Variants in NCOA1 observed in about 807,000 individuals in gnomAD.
NCOA1 encodes nuclear receptor coactivator 1.
In NCOA1, 35 loss-of-function variants were observed where a neutral mutation model predicts 150.9. That is an observed-to-expected ratio of 0.23 (90% CI 0.18 to 0.31). The LOEUF (loss-of-function observed/expected upper bound fraction) is 0.31. Among genes scored for constraint, NCOA1 ranks in the 10% least tolerant of loss-of-function variants. NCOA1 has a pLI of 1.00. For missense variants in NCOA1, 1,491 were observed against 1,749.3 expected (o/e 0.85, Z 2.63); for synonymous variants, 590 against 630.0 (o/e 0.94, Z 0.95).
intron 11 of NCOA1, among the ~76,000 whole-genome samples, chr2:24,700,750 C>T (rs1673119414): frequency 6.6e-6 from 1 of 152,112 alleles, no homozygotes; most frequent in Admixed American, 6.5e-5. Context: ...CATGGTGCTT[C>T]CCAAGGTCCC....
At chr2:24,646,964 C>T (rs578093903) in intron 4 of NCOA1, among the ~76,000 whole-genome samples, 2 of 152,012 alleles carry the variant, frequency 1.3e-5, no homozygotes, top group South Asian at 4.2e-4. Flanking sequence ...ATTTTAAAGT[C>T]CTTGACATCT....
intron 1 of NCOA1, among the ~76,000 whole-genome samples, chr2:24,548,769 C>G (rs984040877): frequency 3.9e-5 from 6 of 152,222 alleles, no homozygotes; most frequent in African/African-American, 1.4e-4. Flanking sequence ...TCCTTTGACT[C>G]CATGTCTCAC....
intron 1 of NCOA1, among the ~76,000 whole-genome samples, chr2:24,516,824 T>G (rs1327018362): frequency 2.0e-5 from 1 of 50,588 alleles, no homozygotes; most frequent in East Asian, 1.2e-3. Flanking sequence ...TATCCAGCTT[T>G]CTTTTTTTTT....
At chr2:24,740,931 AT>A (rs1157428758) in intron 18 of NCOA1, among the ~76,000 whole-genome samples, 1 of 152,218 alleles carries the variant, frequency 6.6e-6, no homozygotes, top group Non-Finnish European at 1.5e-5. Context: ...CATTGAAAAA[AT>A]GATTTTAAGC....
intron 20 of NCOA1, among the ~76,000 whole-genome samples, chr2:24,754,271 G>C (rs1164538968): frequency 6.6e-6 from 1 of 152,038 alleles, no homozygotes; most frequent in African/African-American, 2.4e-5. Context: ...GAGTATGTCC[G>C]TCCTTTACGC....
At chr2:24,535,786 C>A (rs1665107151) in intron 1 of NCOA1, among the ~76,000 whole-genome samples, 1 of 152,210 alleles carries the variant, frequency 6.6e-6, no homozygotes, top group African/African-American at 2.4e-5. Context: ...CCCCCGTGCT[C>A]TACTGGCTTG....
chr2:24,666,683 A>G (rs1400927919), intron 6 of NCOA1, among the ~76,000 whole-genome samples: 1 of 150,388 alleles, frequency 6.6e-6, no homozygotes, highest in Non-Finnish European at 1.5e-5. Context: ...CACAGGCTGG[A>G]GTGCAGTGGT....
chr2:24,640,036 C>A (rs1241656529), intron 3 of NCOA1, among the ~76,000 whole-genome samples: 2 of 147,348 alleles, frequency 1.4e-5, no homozygotes, highest in African/African-American at 5.0e-5. Context: ...TACTTTATTG[C>A]AGTTTCACTT....
At position 24,706,773 on chromosome 2, in the gene NCOA1, A is replaced by G; in HGVS notation, c.1303A>G (p.Ser435Gly). 1.9e-6 allele frequency: 3 copies of G among 1,614,234 alleles called. No homozygotes were observed. The highest frequency in any genetic ancestry group is 1.6e-4 in the Middle Eastern group (1 of 6,062). ...DLHSSSHSNS[S>G]NSQGSFGCSP... is the part of the protein sequence containing the mutation. ...TCATAGCAGCAGTCATAGTAATTCT[A>G]GCAACAGCCAAGGAAGTTTCGGATG... The change falls in exon 13 of 23, where the codon AGC (serine) becomes GGC (glycine). Residue 435 changes from serine (S) to glycine (G), a missense_variant. Ser to Gly is a moderately conservative substitution (Grantham distance 56, BLOSUM62 0). Coordinates refer to ENST00000348332, the MANE Select transcript of NCOA1 (RefSeq NM_003743.5).
intron 7 of NCOA1, among the ~76,000 whole-genome samples, chr2:24,681,610 C>T (rs901348136): frequency 2.0e-5 from 3 of 151,702 alleles, no homozygotes; most frequent in African/African-American, 7.3e-5. Context: ...AAGCAGTTTA[C>T]TTTTTATTCA....
chr2:24,674,123 ATGTGTGTGTGTGTGTG>A (rs146841550), intron 7 of NCOA1, among the ~76,000 whole-genome samples: 1 of 145,502 alleles, frequency 6.9e-6, no homozygotes, highest in African/African-American at 2.5e-5. Flanking sequence ...ATATGTATGT[ATGTGTGTGTGTGTGTG>A]TGTGTGTGTG....
rs750684995 is a variant in NCOA1 at position 24,707,365 on chromosome 2, A to G, written c.1895A>G (p.Lys632Arg). 1.5e-5 allele frequency: 25 copies of G among 1,614,108 alleles called. No individual in the cohort carries two copies. Among genetic ancestry groups the G allele is most frequent in the South Asian group, 2.2e-5 (2 of 91,090 alleles). The change falls in exon 13 of 23, where the codon AAA becomes AGA. Residue 632 changes from lysine (K) to arginine (R), a missense_variant. Around this residue, in one of 8 missense-constraint regions of NCOA1, gnomAD observed 703 missense variants for 717.7 expected, o/e 0.98. Coordinates refer to ENST00000348332, the MANE Select transcript of NCOA1 (RefSeq NM_003743.5). ...GDSKYSQTSH[K>R]LVQLLTTTAE... is the part of the protein sequence containing the mutation. ...AGTAAATACTCTCAAACCAGTCACA[A>G]ACTAGTGCAGCTTTTGACAACAACT...
intron 19 of NCOA1, among the ~76,000 whole-genome samples, chr2:24,744,628 G>A (rs895653374): frequency 5.9e-5 from 9 of 152,160 alleles, no homozygotes; most frequent in Non-Finnish European, 1.3e-4. Context: ...AGATAAAAAG[G>A]CTCTTTGGCC....
At position 24,656,811 on chromosome 2, in the gene NCOA1, T is replaced by C. The variant is rs1283848886; in HGVS notation, c.-17-1850T>C. On this transcript the variant is annotated intron_variant, in intron 4 of 22. Coordinates refer to ENST00000348332, the MANE Select transcript of NCOA1 (RefSeq NM_003743.5). ...ACAAGATTTCATTCTTTTTTGTGGC[T>C]GTCTGGTATATTTCACTGTGTATAT... Among the ~76,000 whole-genome samples, 3 of 152,254 alleles carry C rather than the reference T, an allele frequency of 2.0e-5. No homozygotes were observed. The East Asian group carries it at 5.8e-4, about 29-fold the overall frequency.
chr2:24,627,121 G>GTTTT lies in NCOA1; in HGVS notation c.-174-16826_-174-16823dup, dbSNP rs33949925. ...AATACCTGTTTTTTTGTTTTTTGCT[G>GTTTT]TTTTTTTTTTTTTTTTTTTTTTAAG... On this transcript the variant is annotated intron_variant, in intron 3 of 22. Transcript: ENST00000348332. Among the ~76,000 whole-genome samples the GTTTT allele has an allele frequency of 6.0e-3, 687 of 115,074 alleles. 7 individuals are homozygous for GTTTT. Among genetic ancestry groups the GTTTT allele is most frequent in the African/African-American group, 0.011 (315 of 29,664 alleles). The allele number at this position is 115,074 out of a possible 152,430, so 75.5% of individuals were successfully genotyped here.
intron 14 of NCOA1, among the ~76,000 whole-genome samples, chr2:24,725,245 A>T (rs1455365503): frequency 6.6e-6 from 1 of 152,138 alleles, no homozygotes; most frequent in Non-Finnish European, 1.5e-5. Flanking sequence ...TTTAGTTTTT[A>T]AAAAAAGATT....
At chr2:24,540,803 A>G (rs1665361095) in intron 1 of NCOA1, among the ~76,000 whole-genome samples, 1 of 152,124 alleles carries the variant, frequency 6.6e-6, no homozygotes, top group Non-Finnish European at 1.5e-5. Context: ...TGAGATCCTG[A>G]ACTTAGATAG....
intron 17 of NCOA1, among the ~76,000 whole-genome samples, chr2:24,735,805 CGCTTACTCCTCAAATAA>C (rs1489563367): frequency 6.6e-6 from 1 of 152,124 alleles, no homozygotes; most frequent in African/African-American, 2.4e-5. Context: ...GTGTAATACC[CGCTTACTCCTCAAATAA>C]GCAAAGACCC....
chr2:24,644,354 AAAG>A (rs1485816361), intron 4 of NCOA1, among the ~76,000 whole-genome samples: 1 of 152,186 alleles, frequency 6.6e-6, no homozygotes, highest in African/African-American at 2.4e-5. Flanking sequence ...TGAGACCCTC[AAAG>A]TCCTTACTGA....
Sources: gnomAD v4.1 joint callset for allele counts (sites outside exome capture counted in the v4.1 genomes callset) on GRCh38, gnomAD v4.1.1 for gene constraint, gnomAD v4.1.1 regional missense constraint, MANE v1.5 for transcripts, NCBI Gene and HGNC (gene_info 2026-07-23, HGNC 2026-07-21) for gene names.